Variants in PRCP observed in about 807,000 individuals in gnomAD.
The protein encoded by PRCP is prolylcarboxypeptidase.
Under a neutral mutation model 54.2 loss-of-function variants are expected in PRCP, and 46 were observed. That is an observed-to-expected ratio of 0.85 (90% CI 0.67 to 1.09). PRCP has a LOEUF of 1.09. Ranked by LOEUF, PRCP falls within the 50% of genes least tolerant of loss-of-function variation. The pLI is 0.00. For synonymous variants in PRCP, 240 were observed against 212.2 expected (o/e 1.13, Z -1.14); for missense variants, 613 against 596.8 (o/e 1.03, Z -0.28).
chr11:82,900,142 G>A (rs2121295992), intron 1 of PRCP, 93 bp downstream of exon 1: 1 of 1,473,528 alleles, frequency 6.8e-7, no homozygotes, highest in Non-Finnish European at 9.3e-7. Context: ...ATCAAGGGGT[G>A]TGAATTTCGA....
intron 1 of PRCP, among the ~76,000 whole-genome samples, chr11:82,880,979 C>T (rs1225635994): frequency 6.6e-6 from 1 of 152,174 alleles, no homozygotes; most frequent in Non-Finnish European, 1.5e-5. Context: ...GTGCAATTTT[C>T]CCTCTTCTAG....
intron 1 of PRCP, among the ~76,000 whole-genome samples, chr11:82,878,967 T>G (rs891729085): frequency 2.6e-5 from 4 of 152,212 alleles, no homozygotes; most frequent in Non-Finnish European, 5.9e-5. Flanking sequence ...CCCTTAATAT[T>G]TTTTCCTTCA....
intron 1 of PRCP, among the ~76,000 whole-genome samples, chr11:82,899,511 T>C (rs1226860994): frequency 2.6e-5 from 4 of 152,230 alleles, no homozygotes; most frequent in South Asian, 2.1e-4. Context: ...TAAGGATTAC[T>C]TGTCATTTCA....
At chr11:82,861,463 A>G (rs1027803815) in intron 1 of PRCP, among the ~76,000 whole-genome samples, 6 of 152,198 alleles carry the variant, frequency 3.9e-5, no homozygotes, top group Non-Finnish European at 5.9e-5. Flanking sequence ...CATAACTACA[A>G]TGGAAGGATC....
rs534900001 is a variant in PRCP at position 82,823,237 on chromosome 11, C to T, written c.*1669G>A. Among the ~76,000 whole-genome samples the T allele has an allele frequency of 6.6e-6, 1 of 152,064 alleles. No individual in the cohort carries two copies. The highest frequency in any genetic ancestry group is 2.4e-5 in the African/African-American group (1 of 41,496). On this transcript the variant is annotated 3_prime_UTR_variant, in exon 9 of 9. Transcript: ENST00000313010. ...TAAAGATTCTACACAAGGGAAAAAC[C>T]CTAAAATCGTAAAATAAATTGTAAG...
At chr11:82,877,132 G>A (rs1309286590) in intron 1 of PRCP, among the ~76,000 whole-genome samples, 1 of 152,126 alleles carries the variant, frequency 6.6e-6, no homozygotes, top group African/African-American at 2.4e-5. Flanking sequence ...GAGATTTGTG[G>A]AGCTTTGAAC....
chr11:82,829,490 G>A (rs1720041681), intron 8 of PRCP: 1 of 152,056 alleles, frequency 6.6e-6, no homozygotes, highest in African/African-American at 2.4e-5. Flanking sequence ...TTTTTTAAAA[G>A]TCACCCCTTG....
chr11:82,853,439 A>C (rs1165112576), intron 2 of PRCP, among the ~76,000 whole-genome samples, 161 bp from the exon 3 acceptor site: 2 of 152,238 alleles, frequency 1.3e-5, no homozygotes, highest in Admixed American at 1.3e-4. Context: ...GACATAATTG[A>C]TGTCTTATTG....
chr11:82,879,855 T>C (rs751628092), intron 1 of PRCP, among the ~76,000 whole-genome samples: 20 of 152,242 alleles, frequency 1.3e-4, no homozygotes, highest in Non-Finnish European at 2.6e-4. Flanking sequence ...ACAGCAAATA[T>C]TGCAGAATGG....
intron 2 of PRCP, among the ~76,000 whole-genome samples, chr11:82,856,219 T>C (rs1448539954): frequency 6.6e-6 from 1 of 152,208 alleles, no homozygotes; most frequent in Admixed American, 6.5e-5. Context: ...CATGCACTTG[T>C]ATGTTCATCT....
intron 1 of PRCP, among the ~76,000 whole-genome samples, chr11:82,883,009 A>T (rs2121246991): frequency 6.6e-6 from 1 of 152,302 alleles, no homozygotes; most frequent in Admixed American, 6.5e-5. Context: ...CAATACTGGC[A>T]GACTGTTGAC....
chr11:82,885,562 T>C lies in PRCP; in HGVS notation c.168+14673A>G, dbSNP rs76965082. ...TATTAAATAGAAGAACGCATTTTTA[T>C]TCTAAACAACATGTTAAAAATAAGA... On this transcript the variant is annotated intron_variant, in intron 1 of 8. Transcript: ENST00000313010. 4.9e-4 allele frequency among the ~76,000 whole-genome samples: 75 copies of C among 152,328 alleles called. No homozygotes were observed. The East Asian group carries it at 0.014, about 28-fold the overall frequency.
intron 8 of PRCP, among the ~76,000 whole-genome samples, chr11:82,831,712 G>T (rs1047000992): frequency 6.6e-6 from 1 of 152,008 alleles, no homozygotes; most frequent in South Asian, 2.1e-4. Flanking sequence ...AGGGCTCCTT[G>T]GACACTTTCT....
intron 8 of PRCP, among the ~76,000 whole-genome samples, chr11:82,834,310 A>T (rs1387226257): frequency 6.6e-6 from 1 of 152,218 alleles, no homozygotes; most frequent in East Asian, 1.9e-4. Flanking sequence ...GGTCTTTTTC[A>T]ACCCTCTCAG....
At chr11:82,847,507 T>A (rs1448233403) in intron 6 of PRCP, among the ~76,000 whole-genome samples, 1 of 152,260 alleles carries the variant, frequency 6.6e-6, no homozygotes, top group Non-Finnish European at 1.5e-5. Flanking sequence ...AATAGTAAAG[T>A]AATATGGACA....
At chr11:82,829,502 T>G (rs1311632528) in intron 8 of PRCP, 1 of 152,246 alleles carries the variant, frequency 6.6e-6, no homozygotes. Context: ...CACCCCTTGA[T>G]GAAGTCTTCC....
At chr11:82,879,956 GTC>G (rs1859705004) in intron 1 of PRCP, among the ~76,000 whole-genome samples, 1 of 152,218 alleles carries the variant, frequency 6.6e-6, no homozygotes, top group African/African-American at 2.4e-5. Flanking sequence ...ACTGGGAAGT[GTC>G]TCCCAGTTAG....
chr11:82,893,695 A>G (rs1860054023), intron 1 of PRCP, among the ~76,000 whole-genome samples: 1 of 152,172 alleles, frequency 6.6e-6, no homozygotes, highest in African/African-American at 2.4e-5. Context: ...CGGGATGCTG[A>G]GGTGGGAGGA....
chr11:82,855,419 C>A (rs1422886488), intron 2 of PRCP, among the ~76,000 whole-genome samples: 1 of 151,886 alleles, frequency 6.6e-6, no homozygotes, highest in Admixed American at 6.6e-5. Flanking sequence ...GAGATCGAGA[C>A]CATCCTGGCT....
Sources: allele counts gnomAD v4.1 joint callset (sites outside exome capture counted in the v4.1 genomes callset), GRCh38; gene constraint gnomAD v4.1.1; transcripts MANE v1.5; gene names NCBI Gene and HGNC (gene_info 2026-07-23, HGNC 2026-07-21).